Variants in MAPK8IP3 observed in about 807,000 individuals in gnomAD.
MAPK8IP3 encodes mitogen-activated protein kinase 8 interacting protein 3.
MAPK8IP3 carries 49 observed loss-of-function variants against 157.8 expected under a neutral mutation model. The ratio of observed to expected loss-of-function variants is 0.31; its 90% CI spans 0.25 to 0.39. The LOEUF (loss-of-function observed/expected upper bound fraction) is 0.39, where lower values mean the gene tolerates loss of function less well. Among genes scored for constraint, MAPK8IP3 ranks in the 10% least tolerant of loss-of-function variants. The pLI is 1.00. For synonymous variants in MAPK8IP3, 897 were observed against 777.7 expected (o/e 1.15, Z -2.55); for missense variants, 1,478 against 1,889.4 (o/e 0.78, Z 4.04).
chr16:1,747,310 G>A (rs2041025633), intron 6 of MAPK8IP3, 35 bp downstream of exon 6: 4 of 1,603,212 alleles, frequency 2.5e-6, no homozygotes, highest in Admixed American at 1.7e-5. Flanking sequence ...GGGCTCCCTC[G>A]GGCAGGAGGC....
rs546899182 is a variant in MAPK8IP3 at position 1,720,810 on chromosome 16, G to A, written c.319-3747G>A. 4.6e-5 allele frequency among the ~76,000 whole-genome samples: 7 copies of A among 152,258 alleles called. No homozygotes were observed. The South Asian group carries it at 8.3e-4, about 18-fold the overall frequency. ...AGCACTTTGGGAGGCAGAAGCAGGC[G>A]GATCACGAGGTCAGGGGATCAAGAC... On this transcript the variant is annotated intron_variant, in intron 1 of 31. Transcript: ENST00000610761.
intron 8 of MAPK8IP3, among the ~76,000 whole-genome samples, chr16:1,750,969 C>G (rs1176123858): frequency 6.6e-6 from 1 of 152,166 alleles, no homozygotes; most frequent in Non-Finnish European, 1.5e-5. Context: ...TTGGTGACAC[C>G]TACCAGACAC....
chr16:1,751,906 T>C lies in MAPK8IP3; in HGVS notation c.1216+3186T>C, dbSNP rs1596725240. The C allele has an allele frequency of 1.3e-5, 2 of 152,438 alleles. No homozygotes were observed. The highest frequency in any genetic ancestry group is 4.8e-5 in the African/African-American group (2 of 41,590). 9.4% of individuals were successfully genotyped at this position (152,438 alleles called of 1,614,324 possible). ...GCTTTTCACTGCTGAGTAGTGCCCG[T>C]TGCATGGACAGACCACGTTGTGCTC... is the stretch of plus-strand genomic sequence containing the variant. On this transcript the variant is annotated intron_variant, in intron 8 of 31. Coordinates refer to ENST00000610761, the MANE Select transcript of MAPK8IP3 (RefSeq NM_001318852.2). The surrounding 1 kb of genome is among the most constrained non-coding windows in gnomAD (Gnocchi z 5.0).
chr16:1,729,758 T>TG (rs955584909), intron 4 of MAPK8IP3, among the ~76,000 whole-genome samples, 180 bp downstream of exon 4: 48 of 151,830 alleles, frequency 3.2e-4, no homozygotes, highest in South Asian at 4.2e-4. Context: ...AGCAGGGATG[T>TG]GGGGGGGCGG....
In MAPK8IP3 at chr16:1,766,888, C is replaced by G; in HGVS notation, c.3021-16C>G. On this transcript the variant is annotated splice_polypyrimidine_tract_variant and intron_variant, in intron 24 of 31. Coordinates refer to ENST00000610761, the MANE Select transcript of MAPK8IP3 (RefSeq NM_001318852.2). ...ACAGCCTGGCCCAAACCAGGCTCACCGCATTCCTGTTTCAGGCATGTCAAA... is the reference window on the plus strand; with the variant it reads ...ACAGCCTGGCCCAAACCAGGCTCACGGCATTCCTGTTTCAGGCATGTCAAA... 6.2e-7 allele frequency: 1 copy of G among 1,606,306 alleles called. No individual in the cohort carries two copies. The highest frequency in any genetic ancestry group is 1.1e-5 in the South Asian group (1 of 90,586).
intron 1 of MAPK8IP3, among the ~76,000 whole-genome samples, chr16:1,714,941 T>C (rs17135502): frequency 0.11 from 17,238 of 152,124 alleles, 1,361 homozygotes; most frequent in African/African-American, 0.23. Context: ...CAGGGAGATG[T>C]TTCATAGGAT....
chr16:1,706,492 G>A lies in MAPK8IP3; in HGVS notation c.153G>A (p.Val51=), dbSNP rs2037393777. 1 of 1,614,102 alleles carries A rather than the reference G, an allele frequency of 6.2e-7. No individual in the cohort carries two copies. The highest frequency in any genetic ancestry group is 8.5e-7 in the Non-Finnish European group (1 of 1,179,994). Reference sequence around the variant, plus strand: ...TCATCCACTGCTACGACGAGGAGGTGGTCAAGGAGCTCATGCCGCTGGTGG... The same window carrying A: ...TCATCCACTGCTACGACGAGGAGGTAGTCAAGGAGCTCATGCCGCTGGTGG... ...ERLIHCYDEE[V]VKELMPLVVN... is the part of the protein sequence containing the mutation. The change falls in exon 1 of 32, where the codon GTG becomes GTA. Residue 51 remains valine, a synonymous_variant. Coordinates refer to ENST00000610761, the MANE Select transcript of MAPK8IP3 (RefSeq NM_001318852.2). This position sits in a 1 kb window ranked among gnomAD's most constrained non-coding sequence, Gnocchi z 5.1.
At chr16:1,709,074 C>A (rs528891394) in intron 1 of MAPK8IP3, among the ~76,000 whole-genome samples, 2 of 152,356 alleles carry the variant, frequency 1.3e-5, no homozygotes, top group African/African-American at 4.8e-5. Context: ...CCCAGCCACT[C>A]TGCTCAAGAA....
intron 10 of MAPK8IP3, 138 bp from the exon 11 acceptor site, chr16:1,759,820 C>T (rs936074565): frequency 6.8e-6 from 5 of 737,282 alleles, no homozygotes; most frequent in Non-Finnish European, 1.2e-5. Context: ...CCCTTCACGG[C>T]CCCCGCTCCC....
At position 1,741,318 on chromosome 16, in the gene MAPK8IP3, TG is replaced by T. The variant is rs1424588943; in HGVS notation, c.603-2009del. ...CGCTCACGAGCCTGAGGCCAGGGCC[TG>T]GGGGCCGGTGGGGAGGAGCAAAGGA... On this transcript the variant is annotated intron_variant, in intron 4 of 31. Transcript: ENST00000610761. The surrounding 1 kb of genome is among the most constrained non-coding windows in gnomAD (Gnocchi z 6.9). Among the ~76,000 whole-genome samples the T allele has an allele frequency of 6.6e-6, 1 of 152,074 alleles. No homozygotes were observed. The highest frequency in any genetic ancestry group is 2.4e-5 in the African/African-American group (1 of 41,392).
chr16:1,761,976 G>A (rs1000703599), intron 13 of MAPK8IP3, among the ~76,000 whole-genome samples: 4 of 152,150 alleles, frequency 2.6e-5, no homozygotes, highest in Non-Finnish European at 5.9e-5. Context: ...CACGGGCAGG[G>A]GGCCCAGGCG....
In MAPK8IP3 at chr16:1,706,403, G is replaced by A; in HGVS notation, c.64G>A (p.Gly22Ser). ...GGTGTACCAGGACGACTACTGCTCC[G>A]GCTCGGTGATGTCGGAGCGGGTGTC... ...VVVYQDDYCS[G>S]SVMSERVSGL... The change falls in exon 1 of 32, where the codon GGC (glycine) becomes AGC (serine). Residue 22 changes from glycine (G) to serine (S), a missense_variant. Gly to Ser is a moderately conservative substitution (Grantham distance 56). Transcript: ENST00000610761. This position sits in a 1 kb window ranked among gnomAD's most constrained non-coding sequence, Gnocchi z 5.1. 1.9e-6 allele frequency: 3 copies of A among 1,613,442 alleles called. No individual in the cohort carries two copies. Among genetic ancestry groups the A allele is most frequent in the Non-Finnish European group, 1.7e-6 (2 of 1,179,848 alleles).
chr16:1,746,661 T>G (rs981146372), intron 5 of MAPK8IP3: 15 of 242,232 alleles, frequency 6.2e-5, no homozygotes, highest in African/African-American at 3.4e-4. Flanking sequence ...CTGCCCTACC[T>G]GGGCTGGACT....
intron 1 of MAPK8IP3, chr16:1,713,555 T>G (rs1455590421): frequency 6.6e-6 from 1 of 152,150 alleles, no homozygotes; most frequent in East Asian, 1.9e-4. Context: ...TTAATGAACA[T>G]TTTCCAGAAA....
At chr16:1,727,252 ACT>A (rs1383591705) in intron 2 of MAPK8IP3, among the ~76,000 whole-genome samples, 2 of 99,672 alleles carry the variant, frequency 2.0e-5, no homozygotes, top group African/African-American at 8.3e-5. Flanking sequence ...GGTCTGTGTG[ACT>A]CTGCTGTGTG....
At chr16:1,719,643 G>T (rs2038382282) in intron 1 of MAPK8IP3, among the ~76,000 whole-genome samples, 1 of 130,882 alleles carries the variant, frequency 7.6e-6, no homozygotes, top group South Asian at 2.6e-4. Flanking sequence ...ATCAGCCTGG[G>T]TAACATAGGG....
In MAPK8IP3 at chr16:1,761,208, C is replaced by T. The variant is rs2041915068; in HGVS notation, c.1458-16C>T. On this transcript the variant is annotated splice_polypyrimidine_tract_variant and intron_variant, in intron 12 of 31. Coordinates refer to ENST00000610761, the MANE Select transcript of MAPK8IP3 (RefSeq NM_001318852.2). The stretch of plus-strand genomic sequence containing the variant: ...GGGAGGCCCTCACCCTCCCTGCCTC[C>T]TTCCCCTTCCCACAGAGTGAAGTCC... 6.2e-7 allele frequency: 1 copy of T among 1,611,506 alleles called. No homozygotes were observed. The highest frequency in any genetic ancestry group is 8.5e-7 in the Non-Finnish European group (1 of 1,178,250).
At chr16:1,720,903 G>A (rs2038472355) in intron 1 of MAPK8IP3, among the ~76,000 whole-genome samples, 1 of 152,078 alleles carries the variant, frequency 6.6e-6, no homozygotes, top group South Asian at 2.1e-4. Context: ...GCGTGGTGGT[G>A]GGTGCCTGTA....
rs550915572 is a variant in MAPK8IP3, at chr16:1,737,484, G to A, written c.603-5848G>A. On this transcript the variant is annotated intron_variant, in intron 4 of 31. Coordinates refer to ENST00000610761, the MANE Select transcript of MAPK8IP3 (RefSeq NM_001318852.2). ...CACCCATGTGAGCATCTGTGTGACC[G>A]TCCGTGTGAGCGTCCGTGTGAGCGT... Among the ~76,000 whole-genome samples the A allele has an allele frequency of 4.0e-4, 40 of 99,320 alleles. 4 individuals are homozygous for A. Among genetic ancestry groups the A allele is most frequent in the African/African-American group, 6.8e-4 (17 of 25,170 alleles). The allele number at this position is 99,320 out of a possible 152,430, so 65.2% of individuals were successfully genotyped here.
Sources: allele counts gnomAD v4.1 joint callset (sites outside exome capture counted in the v4.1 genomes callset), GRCh38; gene constraint gnomAD v4.1.1; non-coding constraint Gnocchi (gnomAD v3.1); transcripts MANE v1.5; gene names NCBI Gene and HGNC (gene_info 2026-07-23, HGNC 2026-07-21).